Variants in GLIPR1L1 observed in about 807,000 individuals in gnomAD.
GLIPR1L1 encodes the protein GLIPR1 like 1, also known as GLIPR1-like protein 1.
In GLIPR1L1, 26 loss-of-function variants were observed where a neutral mutation model predicts 29.9. That is an observed-to-expected ratio of 0.87 (90% CI 0.64 to 1.21). The LOEUF (loss-of-function observed/expected upper bound fraction) is 1.21, where lower values mean the gene tolerates loss of function less well. GLIPR1L1 is among the 50% of genes most tolerant of loss of function. The probability of loss-of-function intolerance (pLI) is 0.00; values close to 1 mark genes in which losing one functional copy is unlikely to be tolerated. For synonymous variants in GLIPR1L1, 77 were observed against 97.5 expected, an observed-to-expected ratio of 0.79 and a Z score of 1.24; for missense variants, 305 against 290.3, an observed-to-expected ratio of 1.05 and a Z score of -0.37.
intron 1 of GLIPR1L1, among the ~76,000 whole-genome samples, chr12:75,337,068 AAC>A (rs532647878): frequency 8.9e-4 from 135 of 151,948 alleles, no homozygotes; most frequent in South Asian, 2.3e-3. Flanking sequence ...TGTTAATGGA[AAC>A]ACAGCATATC....
At chr12:75,355,181 A>G (rs955350474) in intron 3 of GLIPR1L1, among the ~76,000 whole-genome samples, 1 of 152,258 alleles carries the variant, frequency 6.6e-6, no homozygotes, top group Non-Finnish European at 1.5e-5. Flanking sequence ...CTATCATCAG[A>G]GTAAACAAGC....
intron 1 of GLIPR1L1, among the ~76,000 whole-genome samples, chr12:75,340,257 T>C (rs2042015177): frequency 1.3e-5 from 2 of 151,606 alleles, no homozygotes; most frequent in Non-Finnish European, 2.9e-5. Context: ...TGTGCTGCTA[T>C]AAACATGTGT....
intron 2 of GLIPR1L1, among the ~76,000 whole-genome samples, chr12:75,346,609 T>G (rs2042464473): frequency 6.6e-6 from 1 of 152,174 alleles, no homozygotes; most frequent in Admixed American, 6.5e-5. Flanking sequence ...CAGGCTGACC[T>G]CGAACTCCTG....
At chr12:75,369,792 A>G in intron 4 of GLIPR1L1, 168 bp from the exon 5 acceptor site, 1 of 983,058 alleles carries the variant, frequency 1.0e-6, no homozygotes, top group Non-Finnish European at 1.2e-6. Context: ...GAAGCATCGT[A>G]AAGAGTTTTA....
chr12:75,337,795 T>G (rs2041839164), intron 1 of GLIPR1L1, among the ~76,000 whole-genome samples: 1 of 151,970 alleles, frequency 6.6e-6, no homozygotes, highest in Non-Finnish European at 1.5e-5. Context: ...GTATTGCTTA[T>G]TTTTTTATTT....
At chr12:75,344,248 C>G (rs1292912535) in intron 2 of GLIPR1L1, among the ~76,000 whole-genome samples, 1 of 152,080 alleles carries the variant, frequency 6.6e-6, no homozygotes, top group Non-Finnish European at 1.5e-5. Flanking sequence ...GTGGGAAGTT[C>G]TCTTCAAGTT....
At chr12:75,357,791 G>T (rs2043249343) in intron 3 of GLIPR1L1, among the ~76,000 whole-genome samples, 1 of 151,698 alleles carries the variant, frequency 6.6e-6, no homozygotes, top group South Asian at 2.1e-4. Flanking sequence ...AAAGAAGTTA[G>T]AAAGTATGCT....
chr12:75,363,151 C>G lies in GLIPR1L1; in HGVS notation c.571C>G (p.Leu191Val). 1 of 1,553,660 alleles carries G rather than the reference C, an allele frequency of 6.4e-7. No individual in the cohort carries two copies. The highest frequency in any genetic ancestry group is 8.6e-7 in the Non-Finnish European group (1 of 1,157,148). ...PPYVRGESCS[L>V]CSKEEKCVKN... ...TTACGTAAGAGGAGAATCTTGCTCT[C>G]TCTGCTCAAAAGAAGAGAAATGTGT... The change falls in exon 4 of 6, where the codon CTC becomes GTC. Residue 191 changes from leucine to valine, a missense_variant. Coordinates refer to ENST00000378695, the MANE Select transcript of GLIPR1L1 (RefSeq NM_001304964.2).
At chr12:75,338,484 ACT>A (rs1272764586) in intron 1 of GLIPR1L1, among the ~76,000 whole-genome samples, 2 of 151,476 alleles carry the variant, frequency 1.3e-5, no homozygotes, top group Non-Finnish European at 2.9e-5. Flanking sequence ...ATTTGGTAAA[ACT>A]CTGCATCAAT....
At chr12:75,363,687 G>C (rs987986687) in intron 4 of GLIPR1L1, among the ~76,000 whole-genome samples, 1 of 152,084 alleles carries the variant, frequency 6.6e-6, no homozygotes, top group African/African-American at 2.4e-5. Flanking sequence ...AAAAAATGGA[G>C]CCATGTGTCA....
At chr12:75,370,016 A>T (rs2044254287) in intron 5 of GLIPR1L1, 30 bp downstream of exon 5, 2 of 1,198,888 alleles carry the variant, frequency 1.7e-6, no homozygotes, top group Admixed American at 1.8e-5. Flanking sequence ...AGTATTAATT[A>T]AATTATTTCC....
intron 4 of GLIPR1L1, chr12:75,366,815 C>T: frequency 1.4e-6 from 1 of 697,744 alleles, no homozygotes; most frequent in Non-Finnish European, 2.6e-6. Flanking sequence ...TCTGAGAGGG[C>T]TAAAAATGCC....
rs758033919 is a variant in GLIPR1L1, at chr12:75,334,847, C to T, written c.119C>T (p.Ala40Val). ...CACTTTATAGACAACTGCATAGAAG[C>T]CCACAACGAATGGCGTGGCAAAGTC... ...DPHFIDNCIE[A>V]HNEWRGKVNP... is the part of the protein sequence containing the mutation. Residue 40 changes from alanine to valine, a missense_variant, in exon 1 of 6, where the codon GCC becomes GTC. By Grantham distance (64) the Ala-to-Val change is moderately conservative (BLOSUM62 0). Transcript: ENST00000378695. 2.2e-5 allele frequency: 36 copies of T among 1,613,988 alleles called. No homozygotes were observed. The South Asian group carries it at 2.4e-4, about 11-fold the overall frequency.
chr12:75,354,837 T>G (rs1418110168), intron 3 of GLIPR1L1, among the ~76,000 whole-genome samples: 1 of 151,912 alleles, frequency 6.6e-6, no homozygotes, highest in African/African-American at 2.4e-5. Context: ...ACATCTATAA[T>G]CAACTAGTCT....
At chr12:75,336,598 CA>C (rs749604180) in intron 1 of GLIPR1L1, among the ~76,000 whole-genome samples, 3 of 151,330 alleles carry the variant, frequency 2.0e-5, no homozygotes, top group Non-Finnish European at 3.0e-5. Flanking sequence ...GCTAATTCAA[CA>C]AAAGACACAG....
intron 3 of GLIPR1L1, among the ~76,000 whole-genome samples, chr12:75,359,445 T>G (rs941871937): frequency 6.7e-6 from 1 of 149,792 alleles, no homozygotes; most frequent in Admixed American, 6.7e-5. Flanking sequence ...AGGATTTTAT[T>G]GTATAAATTG....
intron 2 of GLIPR1L1, among the ~76,000 whole-genome samples, chr12:75,346,361 C>T (rs1395021960): frequency 6.6e-6 from 1 of 152,144 alleles, no homozygotes; most frequent in African/African-American, 2.4e-5. Context: ...GTCACTTACT[C>T]ACCAAAACCA....
intron 3 of GLIPR1L1, among the ~76,000 whole-genome samples, chr12:75,362,142 T>G (rs1237993159): frequency 6.6e-6 from 1 of 152,092 alleles, no homozygotes; most frequent in Non-Finnish European, 1.5e-5. Context: ...AAATAAAGGA[T>G]GTACCCTGGA....
At chr12:75,344,367 T>C (rs969538222) in intron 2 of GLIPR1L1, among the ~76,000 whole-genome samples, 3 of 152,120 alleles carry the variant, frequency 2.0e-5, no homozygotes, top group Admixed American at 6.5e-5. Flanking sequence ...TATTGCTACA[T>C]CTTTAAGTTT....
Sources: allele counts gnomAD v4.1 joint callset (sites outside exome capture counted in the v4.1 genomes callset), GRCh38; gene constraint gnomAD v4.1.1; transcripts MANE v1.5; gene names NCBI Gene and HGNC (gene_info 2026-07-23, HGNC 2026-07-21).